SEC23A: variants seen among roughly 807,000 people sequenced by gnomAD.
The protein encoded by SEC23A is SEC23 homolog A, COPII component, also known as protein transport protein Sec23A.
A neutral mutation model predicts 103.7 loss-of-function variants in SEC23A; 56 were observed. That is an observed-to-expected ratio of 0.54 (90% CI 0.44 to 0.67). SEC23A has a LOEUF of 0.67. Among genes scored for constraint, SEC23A ranks in the 30% least tolerant of loss-of-function variants. The pLI is 0.00. For missense variants in SEC23A, 784 were observed against 936.4 expected (o/e 0.84, Z 2.12); for synonymous variants, 281 against 293.0 (o/e 0.96, Z 0.42).
chr14:39,091,775 C>T, intron 4 of SEC23A, 62 bp from the exon 5 acceptor site: 2 of 1,038,786 alleles, frequency 1.9e-6, no homozygotes, highest in South Asian at 2.6e-5. Flanking sequence ...ACAAGACAGT[C>T]AACAGGGAAC....
intron 12 of SEC23A, 49 bp from the exon 13 acceptor site, chr14:39,061,920 T>C: frequency 8.7e-7 from 1 of 1,143,056 alleles, no homozygotes; most frequent in African/African-American, 1.5e-5. Flanking sequence ...ACTATGCTGT[T>C]GTCATATAAT....
intron 9 of SEC23A, among the ~76,000 whole-genome samples, chr14:39,070,953 G>C (rs1350183401): frequency 1.3e-5 from 2 of 152,140 alleles, no homozygotes. Flanking sequence ...CTTGAACCCA[G>C]GGGGCGGAGG....
chr14:39,069,846 C>T (rs1487349248), intron 9 of SEC23A, among the ~76,000 whole-genome samples: 1 of 152,154 alleles, frequency 6.6e-6, no homozygotes, highest in African/African-American at 2.4e-5. Context: ...CTCTCACTTG[C>T]TTACATCTTT....
chr14:39,097,719 T>C (rs564288885), intron 1 of SEC23A, among the ~76,000 whole-genome samples: 6 of 152,254 alleles, frequency 3.9e-5, no homozygotes, highest in African/African-American at 1.4e-4. Context: ...CTTACGCTAA[T>C]CAAAAAAGAT....
At chr14:39,096,621 C>T (rs1887902698) in intron 1 of SEC23A, among the ~76,000 whole-genome samples, 1 of 151,792 alleles carries the variant, frequency 6.6e-6, no homozygotes, top group Non-Finnish European at 1.5e-5. Flanking sequence ...TGGCTCTACC[C>T]AATGTTCACA....
intron 7 of SEC23A, among the ~76,000 whole-genome samples, chr14:39,082,390 T>C (rs543629166): frequency 6.6e-6 from 1 of 152,060 alleles, no homozygotes; most frequent in Non-Finnish European, 1.5e-5. Flanking sequence ...TAATAATTGA[T>C]CAGAAAAGAA....
At chr14:39,045,917 A>G (rs1024303508) in intron 15 of SEC23A, among the ~76,000 whole-genome samples, 1 of 151,916 alleles carries the variant, frequency 6.6e-6, no homozygotes, top group Admixed American at 6.6e-5. Flanking sequence ...ATCCCCACCC[A>G]CCCACATCTC....
chr14:39,071,561 T>C (rs1329745424), intron 9 of SEC23A, among the ~76,000 whole-genome samples: 2 of 145,810 alleles, frequency 1.4e-5, no homozygotes, highest in African/African-American at 5.1e-5. Flanking sequence ...AATTTAAAAA[T>C]TAAAAAATTT....
chr14:39,085,171 T>C (rs923710225), intron 7 of SEC23A, among the ~76,000 whole-genome samples: 4 of 152,156 alleles, frequency 2.6e-5, no homozygotes, highest in South Asian at 2.1e-4. Flanking sequence ...AGAACACAGT[T>C]TGGAGAGCTT....
chr14:39,094,223 T>C (rs1887761229), intron 2 of SEC23A, among the ~76,000 whole-genome samples: 1 of 111,748 alleles, frequency 8.9e-6, no homozygotes, highest in South Asian at 2.8e-4. Flanking sequence ...TATATACACA[T>C]ACATATATAT....
At chr14:39,053,349 T>C (rs948448521) in intron 14 of SEC23A, among the ~76,000 whole-genome samples, 1 of 152,204 alleles carries the variant, frequency 6.6e-6, no homozygotes, top group Non-Finnish European at 1.5e-5. Context: ...GGAAAATTTC[T>C]GCTACAAAGA....
chr14:39,036,271 G>A lies in SEC23A; in HGVS notation c.2208+2760C>T, dbSNP rs180958030. Reference sequence around the variant, plus strand: ...CAGGAGGCAGAGGTTGCAGCGAGTCGAGATCGCGTCACTACACTCCAGCCT... The same window carrying A: ...CAGGAGGCAGAGGTTGCAGCGAGTCAAGATCGCGTCACTACACTCCAGCCT... On this transcript the variant is annotated intron_variant, in intron 19 of 19. Transcript: ENST00000307712. Among the ~76,000 whole-genome samples, 35 of 129,152 alleles carry A rather than the reference G, an allele frequency of 2.7e-4. No individual in the cohort carries two copies. In the East Asian group the frequency reaches 4.7e-3, roughly 17 times the overall value. 84.7% of individuals were successfully genotyped at this position (129,152 alleles called of 152,430 possible).
chr14:39,094,426 A>T (rs1594486719), intron 2 of SEC23A, among the ~76,000 whole-genome samples: 1 of 49,678 alleles, frequency 2.0e-5, no homozygotes, highest in African/African-American at 1.5e-4. Flanking sequence ...ATATATATAT[A>T]TATATATATA....
intron 5 of SEC23A, among the ~76,000 whole-genome samples, chr14:39,089,030 C>T (rs1196431543): frequency 6.0e-5 from 9 of 150,904 alleles, no homozygotes; most frequent in South Asian, 2.1e-4. Context: ...AAAAATTAGC[C>T]GGGTGTGGTG....
intron 1 of SEC23A, among the ~76,000 whole-genome samples, chr14:39,101,028 G>A (rs148106613): frequency 0.015 from 2,212 of 151,824 alleles, 61 homozygotes; most frequent in African/African-American, 0.05. Flanking sequence ...ATTTTTAGTA[G>A]AGATGGGGTT....
intron 9 of SEC23A, among the ~76,000 whole-genome samples, chr14:39,072,204 C>T (rs1286125331): frequency 1.3e-5 from 2 of 151,586 alleles, no homozygotes; most frequent in Non-Finnish European, 2.9e-5. Context: ...TGCACTCTTG[C>T]CTGGGTGACA....
intron 3 of SEC23A, 56 bp downstream of exon 3, chr14:39,093,131 T>A (rs1228069349): frequency 6.9e-7 from 1 of 1,445,468 alleles, no homozygotes; most frequent in Non-Finnish European, 9.7e-7. Flanking sequence ...CCTCCCAAAG[T>A]GCTGGGATTA....
chr14:39,080,768 T>C (rs982774012), intron 7 of SEC23A, among the ~76,000 whole-genome samples: 3 of 152,034 alleles, frequency 2.0e-5, no homozygotes, highest in Non-Finnish European at 4.4e-5. Context: ...TAAGACAACT[T>C]TATAGGAAAA....
chr14:39,072,097 T>A (rs1158896155), intron 9 of SEC23A, among the ~76,000 whole-genome samples: 1 of 151,830 alleles, frequency 6.6e-6, no homozygotes, highest in African/African-American at 2.4e-5. Context: ...TCGGGTGTGG[T>A]GGTGCACACC....
Sources: gnomAD v4.1 joint callset for allele counts (sites outside exome capture counted in the v4.1 genomes callset) on GRCh38, gnomAD v4.1.1 for gene constraint, MANE v1.5 for transcripts, NCBI Gene and HGNC (gene_info 2026-07-23, HGNC 2026-07-21) for gene names.